IL1RAPL1: variants seen among roughly 807,000 people sequenced by gnomAD.
IL1RAPL1 encodes the protein interleukin-1 receptor accessory protein-like 1.
IL1RAPL1 carries 3 observed loss-of-function variants against 48.4 expected under a neutral mutation model. The observed-to-expected ratio is 0.06, with a 90% CI of 0.03 to 0.16. The LOEUF is 0.16. Ranked by LOEUF, IL1RAPL1 falls within the 10% of genes least tolerant of loss-of-function variation. IL1RAPL1 has a pLI of 1.00. For synonymous variants in IL1RAPL1, 185 were observed against 187.7 expected (o/e 0.99, Z 0.12); for missense variants, 349 against 530.6 (o/e 0.66, Z 3.36).
chrX:29,208,708 AAATAATAATAAT>A (rs1199838563), intron 2 of IL1RAPL1, among the ~76,000 whole-genome samples: 4 of 100,878 alleles, frequency 4.0e-5, no homozygotes, highest in South Asian at 4.3e-4. Flanking sequence ...AAGATTCCAA[AAATAATAATAAT>A]AATAATAATA....
At chrX:29,529,451 G>A (rs185909221) in intron 5 of IL1RAPL1, among the ~76,000 whole-genome samples, 8 of 108,864 alleles carry the variant, frequency 7.3e-5, no homozygotes, top group South Asian at 4.1e-4. Flanking sequence ...AAAATTAGCC[G>A]GGTGTGGTGA....
At chrX:29,335,334 AG>A (rs1484382837) in intron 3 of IL1RAPL1, among the ~76,000 whole-genome samples, 5 of 14,371 alleles carry the variant, frequency 3.5e-4, no homozygotes, top group African/African-American at 8.2e-4. Flanking sequence ...GAGAGGGGAG[AG>A]GGGAGAGGGA....
intron 1 of IL1RAPL1, among the ~76,000 whole-genome samples, chrX:28,640,200 T>C (rs190622467): frequency 1.5e-3 from 166 of 111,971 alleles, no homozygotes; most frequent in African/African-American, 4.9e-3. Flanking sequence ...GGCTATTTCA[T>C]TGTACCTTAA....
At chrX:28,974,460 CAG>C (rs1398809488) in intron 2 of IL1RAPL1, among the ~76,000 whole-genome samples, 2 of 111,866 alleles carry the variant, frequency 1.8e-5, no homozygotes, top group Admixed American at 9.5e-5. Flanking sequence ...GAAGTTTTGA[CAG>C]AGTTATAAAA....
rs763467420 is a variant in IL1RAPL1 at position 29,399,340 on chromosome X, G to A, written c.703+32G>A. On this transcript the variant is annotated intron_variant, in intron 5 of 10. Coordinates refer to ENST00000378993, the MANE Select transcript of IL1RAPL1 (RefSeq NM_014271.4). ...ACAGTCTTCAATATTTCACTTGCAA[G>A]TGATGAAACTACTATTTTAAGTTAG... 1.3e-5 allele frequency: 14 copies of A among 1,109,768 alleles called. No homozygotes were observed. The Admixed American group carries it at 3.1e-4, about 24-fold the overall frequency. 91.5% of individuals were successfully genotyped at this position (1,109,768 alleles called of 1,213,427 possible). A position where few individuals can be genotyped will look rare whatever the true frequency, so the allele number is the denominator to read the frequency against.
chrX:29,935,460 TGTAACTA>T (rs959215642), intron 8 of IL1RAPL1, among the ~76,000 whole-genome samples: 2 of 111,827 alleles, frequency 1.8e-5, no homozygotes, highest in African/African-American at 6.5e-5. Context: ...TTGGTTTATT[TGTAACTA>T]ATATGAACAC....
intron 1 of IL1RAPL1, among the ~76,000 whole-genome samples, chrX:28,724,419 C>T (rs1045557513): frequency 9.0e-6 from 1 of 110,532 alleles, no homozygotes; most frequent in African/African-American, 3.3e-5. Context: ...ATTGCAACCC[C>T]TGCCTTTTTT....
intron 10 of IL1RAPL1, 122 bp from the exon 11 acceptor site, chrX:29,954,980 A>G: frequency 1.6e-6 from 1 of 627,112 alleles, no homozygotes. Context: ...CATTAGGAGA[A>G]GCAAGTCCCA....
At chrX:28,604,597 C>T (rs1305930366) in intron 1 of IL1RAPL1, among the ~76,000 whole-genome samples, 2 of 107,451 alleles carry the variant, frequency 1.9e-5, no homozygotes, top group African/African-American at 6.8e-5. Flanking sequence ...TGTGGTGGCA[C>T]GCACCTGTAG....
intron 6 of IL1RAPL1, among the ~76,000 whole-genome samples, chrX:29,853,869 T>A (rs965958790): frequency 8.9e-6 from 1 of 112,127 alleles, no homozygotes; most frequent in Non-Finnish European, 1.9e-5. Context: ...AGCTATTTTT[T>A]GTGGTGTTAT....
chrX:28,815,956 G>A (rs1260776164), intron 2 of IL1RAPL1, among the ~76,000 whole-genome samples: 1 of 94,563 alleles, frequency 1.1e-5, no homozygotes, highest in African/African-American at 3.8e-5. Context: ...TGTGAATAGT[G>A]CTACAATAAA....
intron 5 of IL1RAPL1, among the ~76,000 whole-genome samples, chrX:29,480,726 G>A (rs1011061616): frequency 9.0e-5 from 10 of 110,829 alleles, no homozygotes; most frequent in African/African-American, 3.3e-4. Context: ...TTATTAGTTT[G>A]ATGTTTATTA....
At chrX:29,018,490 G>A (rs1008991359) in intron 2 of IL1RAPL1, among the ~76,000 whole-genome samples, 5 of 111,888 alleles carry the variant, frequency 4.5e-5, no homozygotes, top group African/African-American at 6.5e-5. Context: ...AAGAACTTGA[G>A]TAATCAAGGA....
rs140999613 is a variant in IL1RAPL1 at position 29,241,865 on chromosome X, A to G, written c.83-41073A>G. 9.8e-3 allele frequency among the ~76,000 whole-genome samples: 1,098 copies of G among 111,922 alleles called. 19 individuals carry two copies. The highest frequency in any genetic ancestry group is 0.034 in the African/African-American group (1,051 of 30,807). ...TTTTTTCCCCAACTGCTTTTGTAGA[A>G]CTGAAACTGCACTCCCAGGGGAAGA... On this transcript the variant is annotated intron_variant, in intron 2 of 10. Coordinates refer to ENST00000378993, the MANE Select transcript of IL1RAPL1 (RefSeq NM_014271.4).
chrX:28,738,604 A>G (rs1174081256), intron 1 of IL1RAPL1, among the ~76,000 whole-genome samples: 1 of 111,571 alleles, frequency 9.0e-6, no homozygotes, highest in East Asian at 2.8e-4. Context: ...TATTAGATCT[A>G]GAGAAATGCA....
At chrX:29,637,958 A>G (rs1925027361) in intron 5 of IL1RAPL1, among the ~76,000 whole-genome samples, 1 of 112,151 alleles carries the variant, frequency 8.9e-6, no homozygotes, top group African/African-American at 3.2e-5. Context: ...TTTTACACCT[A>G]TGTTATGTTT....
At chrX:28,978,659 CA>C (rs1269862988) in intron 2 of IL1RAPL1, among the ~76,000 whole-genome samples, 1 of 111,616 alleles carries the variant, frequency 9.0e-6, no homozygotes, top group Non-Finnish European at 1.9e-5. Flanking sequence ...TTCATGAATT[CA>C]AAATGTGACT....
chrX:29,012,909 CAAGAG>C (rs891969702), intron 2 of IL1RAPL1, among the ~76,000 whole-genome samples: 9 of 111,471 alleles, frequency 8.1e-5, no homozygotes, highest in Non-Finnish European at 1.3e-4. Flanking sequence ...TTAGTGGAGA[CAAGAG>C]AAGAGCTTTC....
chrX:29,497,957 G>A (rs1935231372), intron 5 of IL1RAPL1, among the ~76,000 whole-genome samples: 1 of 111,253 alleles, frequency 9.0e-6, no homozygotes, highest in Admixed American at 9.5e-5. Context: ...TCTGCCATGG[G>A]CCTTCTCACA....
Sources: gnomAD v4.1 joint callset for allele counts (sites outside exome capture counted in the v4.1 genomes callset) on GRCh38, gnomAD v4.1.1 for gene constraint, MANE v1.5 for transcripts, NCBI Gene and HGNC (gene_info 2026-07-23, HGNC 2026-07-21) for gene names.